The following FHIT variants were observed in gnomAD, a reference collection of about 807,000 sequenced individuals.
FHIT encodes the protein fragile histidine triad diadenosine triphosphatase, also known as bis(5'-adenosyl)-triphosphatase.
Under a neutral mutation model 17.9 loss-of-function variants are expected in FHIT, and 19 were observed. The observed-to-expected ratio is 1.06, with a 90% CI of 0.74 to 1.56. The LOEUF (loss-of-function observed/expected upper bound fraction) is 1.56. Among genes scored for constraint, FHIT ranks in the 40% most tolerant of loss-of-function variants. The pLI, the probability that FHIT is intolerant of heterozygous loss-of-function variation, is 0.00. For missense variants in FHIT, 248 were observed against 189.2 expected, an observed-to-expected ratio of 1.31 and a Z score of -1.82; for synonymous variants, 81 against 69.7, an observed-to-expected ratio of 1.16 and a Z score of -0.81.
At chr3:60,732,876 G>A (rs2042062074) in intron 4 of FHIT, among the ~76,000 whole-genome samples, 1 of 151,874 alleles carries the variant, frequency 6.6e-6, no homozygotes, top group East Asian at 1.9e-4. Context: ...TTTTAGTAGA[G>A]GCGGGGTTTT....
At chr3:59,813,419 G>A (rs1475920571) in intron 8 of FHIT, among the ~76,000 whole-genome samples, 3 of 152,176 alleles carry the variant, frequency 2.0e-5, no homozygotes, top group East Asian at 1.9e-4. Flanking sequence ...TTAAGAAGGC[G>A]ACTGTTTGTG....
chr3:61,039,719 C>CG (rs983426733), intron 3 of FHIT, among the ~76,000 whole-genome samples: 11 of 151,998 alleles, frequency 7.2e-5, no homozygotes, highest in East Asian at 1.9e-4. Context: ...TAGGAGTCTG[C>CG]GGGGGTTAGC....
intron 8 of FHIT, among the ~76,000 whole-genome samples, chr3:59,840,945 T>C (rs1037540029): frequency 7.9e-5 from 12 of 152,172 alleles, no homozygotes; most frequent in Non-Finnish European, 1.2e-4. Context: ...GCTTAATAAA[T>C]GTCATTTGGA....
chr3:61,071,855 T>C (rs1373607991), intron 2 of FHIT, among the ~76,000 whole-genome samples: 5 of 152,234 alleles, frequency 3.3e-5, no homozygotes, highest in African/African-American at 4.8e-5. Flanking sequence ...GGGATATTTA[T>C]TCTTTGCCTT....
intron 8 of FHIT, among the ~76,000 whole-genome samples, chr3:59,873,905 T>C (rs895490510): frequency 6.6e-6 from 1 of 152,220 alleles, no homozygotes; most frequent in Non-Finnish European, 1.5e-5. Flanking sequence ...CTTGCTCTGT[T>C]CTCATGCAGA....
At chr3:60,204,451 T>G (rs76910699) in intron 5 of FHIT, among the ~76,000 whole-genome samples, 4,039 of 107,794 alleles carry the variant, frequency 0.037, 203 homozygotes, top group African/African-American at 0.14. Context: ...CTGGTTTTTT[T>G]TTTTTTGTTT....
At chr3:60,675,426 G>C (rs1428897841) in intron 4 of FHIT, among the ~76,000 whole-genome samples, 2 of 152,154 alleles carry the variant, frequency 1.3e-5, no homozygotes, top group African/African-American at 4.8e-5. Flanking sequence ...CTCTGCCCGG[G>C]AACAAAAGAA....
chr3:60,344,855 C>T (rs1710697373), intron 5 of FHIT, among the ~76,000 whole-genome samples: 1 of 149,812 alleles, frequency 6.7e-6, no homozygotes, highest in Non-Finnish European at 1.5e-5. Flanking sequence ...TCATAAAAGT[C>T]TACATTTTAA....
intron 5 of FHIT, among the ~76,000 whole-genome samples, chr3:60,186,585 A>G (rs1452273535): frequency 6.6e-6 from 1 of 152,216 alleles, no homozygotes; most frequent in Non-Finnish European, 1.5e-5. Flanking sequence ...TTACACAGTC[A>G]TAACGGAGGT....
At chr3:60,384,586 G>A (rs994089970) in intron 5 of FHIT, among the ~76,000 whole-genome samples, 7 of 152,174 alleles carry the variant, frequency 4.6e-5, no homozygotes, top group African/African-American at 1.4e-4. Flanking sequence ...TTATTACCAC[G>A]AAACTGGTCA....
At chr3:59,752,473 T>TAGGCTTTATACAAGAATC (rs1252750021) in intron 8 of FHIT, 152 bp from the exon 9 acceptor site, 2 of 593,414 alleles carry the variant, frequency 3.4e-6, no homozygotes, top group East Asian at 5.6e-5. Flanking sequence ...AACTTGCAAA[T>TAGGCTTTATACAAGAATC]AGGCTTTATA....
At chr3:61,130,442 C>T (rs181073387) in intron 2 of FHIT, among the ~76,000 whole-genome samples, 6 of 152,262 alleles carry the variant, frequency 3.9e-5, no homozygotes, top group South Asian at 2.1e-4. Flanking sequence ...TTCTGAATTC[C>T]GGTACACCTC....
chr3:61,249,677 T>C (rs529037447), intron 1 of FHIT, among the ~76,000 whole-genome samples: 1 of 152,294 alleles, frequency 6.6e-6, no homozygotes, highest in South Asian at 2.1e-4. Flanking sequence ...CACTCTCATA[T>C]AGCTTTTAAG....
chr3:60,511,691 C>T (rs902188112), intron 5 of FHIT, among the ~76,000 whole-genome samples: 11 of 152,074 alleles, frequency 7.2e-5, no homozygotes, highest in Non-Finnish European at 1.5e-4. Context: ...ACCTGAGTAG[C>T]CATGAGCACA....
At chr3:60,182,089 T>G (rs1701964447) in intron 5 of FHIT, among the ~76,000 whole-genome samples, 1 of 152,174 alleles carries the variant, frequency 6.6e-6, no homozygotes, top group Admixed American at 6.5e-5. Context: ...TGAGATAACT[T>G]CTAGGCTGTT....
chr3:61,142,946 T>G (rs750706616), intron 2 of FHIT, among the ~76,000 whole-genome samples: 6 of 152,178 alleles, frequency 3.9e-5, no homozygotes, highest in Non-Finnish European at 7.4e-5. Context: ...ATCGTTAATA[T>G]GTACCTTACA....
At chr3:59,815,306 T>C (rs749550493) in intron 8 of FHIT, among the ~76,000 whole-genome samples, 2 of 152,168 alleles carry the variant, frequency 1.3e-5, no homozygotes, top group African/African-American at 2.4e-5. Flanking sequence ...ACAACCACTA[T>C]GGAAAACAGT....
intron 4 of FHIT, among the ~76,000 whole-genome samples, chr3:60,613,537 C>G (rs2038849887): frequency 6.6e-6 from 1 of 152,150 alleles, no homozygotes; most frequent in Non-Finnish European, 1.5e-5. Flanking sequence ...CCTGGATTAT[C>G]TTTTCTGCTT....
At chr3:61,070,137 A>C (rs1575957576) in intron 2 of FHIT, among the ~76,000 whole-genome samples, 1 of 151,934 alleles carries the variant, frequency 6.6e-6, no homozygotes, top group South Asian at 2.1e-4. Flanking sequence ...CAAATGATCC[A>C]CTCAACTCGG....
Sources: allele counts gnomAD v4.1 joint callset (sites outside exome capture counted in the v4.1 genomes callset), GRCh38; gene constraint gnomAD v4.1.1; transcripts MANE v1.5; gene names NCBI Gene and HGNC (gene_info 2026-07-23, HGNC 2026-07-21).